Variants in UGT2A1 observed in about 807,000 individuals in gnomAD.
The protein encoded by UGT2A1 is UDP-glucuronosyltransferase 2A1.
In UGT2A1, 61 loss-of-function variants were observed where a neutral mutation model predicts 45.4. The ratio of observed to expected loss-of-function variants is 1.34; its 90% CI spans 1.09 to 1.66. UGT2A1 has a LOEUF of 1.66. Ranked by LOEUF, UGT2A1 falls within the 40% of genes most tolerant of loss-of-function variation. The pLI is 0.00. For synonymous variants in UGT2A1, 229 were observed against 196.2 expected, an observed-to-expected ratio of 1.17 and a Z score of -1.40; for missense variants, 649 against 574.3, an observed-to-expected ratio of 1.13 and a Z score of -1.33.
intron 6 of UGT2A1, among the ~76,000 whole-genome samples, chr4:69,591,653 A>G (rs1263598993): frequency 6.6e-6 from 1 of 152,098 alleles, no homozygotes; most frequent in African/African-American, 2.4e-5. Flanking sequence ...TTAAATTTTA[A>G]CTTCCTCTGG....
chr4:69,630,383 C>T (rs1284868893), intron 3 of UGT2A1, among the ~76,000 whole-genome samples: 1 of 152,070 alleles, frequency 6.6e-6, no homozygotes, highest in Non-Finnish European at 1.5e-5. Context: ...TTCCCGGTTA[C>T]ACTCTTATCC....
At chr4:69,627,534 A>AAGAGAGAGAGAGAGAAAG (rs150318319) in intron 3 of UGT2A1, among the ~76,000 whole-genome samples, 4 of 139,470 alleles carry the variant, frequency 2.9e-5, no homozygotes, top group African/African-American at 1.0e-4. Flanking sequence ...GAAAGAAAGA[A>AAGAGAGAGAGAGAGAAAG]AGAGAGAGAG....
intron 3 of UGT2A1, among the ~76,000 whole-genome samples, chr4:69,607,747 C>A (rs1357235553): frequency 6.6e-6 from 1 of 152,052 alleles, no homozygotes; most frequent in Non-Finnish European, 1.5e-5. Context: ...AACCCATCAA[C>A]AAGTGGGTGA....
Position 69,595,149 on chromosome 4 carries a change from C to T in UGT2A1, c.1084+13G>A. 1.2e-6 allele frequency: 2 copies of T among 1,613,650 alleles called. No individual in the cohort carries two copies. Among genetic ancestry groups the T allele is most frequent in the Non-Finnish European group, 1.7e-6 (2 of 1,179,788 alleles). On this transcript the variant is annotated intron_variant, in intron 5 of 6. Transcript: ENST00000286604. ...TGTCCCACTGTACAGCTTTTCTTTC[C>T]CCACAGTCTTACCAAGAAGATCATT...
intron 4 of UGT2A1, 32 bp downstream of exon 4, chr4:69,599,214 G>A (rs1719109701): frequency 1.3e-6 from 2 of 1,576,686 alleles, no homozygotes; most frequent in East Asian, 2.3e-5. Context: ...TTATTATGAA[G>A]AGCATAAAAT....
intron 3 of UGT2A1, among the ~76,000 whole-genome samples, chr4:69,620,944 G>A (rs189402804): frequency 7.2e-4 from 109 of 152,100 alleles, no homozygotes; most frequent in African/African-American, 2.5e-3. Flanking sequence ...TAAATGGCTA[G>A]CCATATACAG....
chr4:69,651,469 A>T (rs138340349), intron 1 of UGT2A1, among the ~76,000 whole-genome samples: 2 of 152,208 alleles, frequency 1.3e-5, no homozygotes, highest in Admixed American at 6.5e-5. Context: ...GAATTCAGAG[A>T]AAAAAACTAA....
intron 1 of UGT2A1, among the ~76,000 whole-genome samples, chr4:69,648,410 A>T (rs1333264988): frequency 6.6e-6 from 1 of 151,904 alleles, no homozygotes; most frequent in Non-Finnish European, 1.5e-5. Context: ...TACTAAGTCA[A>T]GCATACATCT....
chr4:69,647,418 A>T lies in UGT2A1; in HGVS notation c.227T>A (p.Val76Glu), dbSNP rs376536784. Residue 76 changes from valine to glutamate, a missense_variant, in exon 2 of 7, where the codon GTG becomes GAG. Physicochemically the swap from Val to Glu is moderately radical, Grantham distance 121. Transcript: ENST00000286604. ...NPSLTFEIYKVPFGKERIEGV... is the reference protein window; with the variant it reads ...NPSLTFEIYKEPFGKERIEGV... ...TTCTATTCTTTCTTTGCCAAAGGGC[A>T]CCTTATATATTTCAAATGTCAGAGA... 6.2e-7 allele frequency: 1 copy of T among 1,612,896 alleles called. No individual in the cohort carries two copies.
intron 2 of UGT2A1, chr4:69,639,589 C>G (rs765951014): frequency 6.2e-7 from 1 of 1,609,366 alleles, no homozygotes; most frequent in Non-Finnish European, 8.5e-7. Flanking sequence ...AAATTAAAAA[C>G]CAGCATCTGG....
intron 3 of UGT2A1, among the ~76,000 whole-genome samples, chr4:69,614,304 G>C (rs913348112): frequency 6.6e-6 from 1 of 151,806 alleles, no homozygotes; most frequent in Non-Finnish European, 1.5e-5. Flanking sequence ...ACAAAATATG[G>C]ATGAAAAAGA....
rs1221876275 is a variant in UGT2A1 at position 69,588,550 on chromosome 4, T to A, written c.*822A>T. 1 of 152,228 alleles carries A rather than the reference T, an allele frequency of 6.6e-6. No individual in the cohort carries two copies. The highest frequency in any genetic ancestry group is 6.5e-5 in the Admixed American group (1 of 15,272). 9.4% of individuals were successfully genotyped at this position (152,228 alleles called of 1,614,324 possible). ...ATGTTTTATGTAATTATTTGTACAG[T>A]TGACTAAAAATTTTATAAAAATGAT... On this transcript the variant is annotated 3_prime_UTR_variant, in exon 7 of 7. Coordinates refer to ENST00000286604, the MANE Select transcript of UGT2A1 (RefSeq NM_001252275.3).
intron 2 of UGT2A1, 144 bp from the exon 3 acceptor site, chr4:69,635,966 A>G (rs1721680827): frequency 6.6e-6 from 1 of 152,018 alleles, no homozygotes. Context: ...AGTGATTTTC[A>G]TAATTCCTGA....
At position 69,589,054 on chromosome 4, in the gene UGT2A1, C is replaced by T. The variant is rs1033123841; in HGVS notation, c.*318G>A. 1.2e-4 allele frequency: 23 copies of T among 196,364 alleles called. No individual in the cohort carries two copies. In the Admixed American group the frequency reaches 1.2e-3, roughly 10 times the overall value. The allele number at this position is 196,364 out of a possible 1,614,324, so 12.2% of individuals were successfully genotyped here. On this transcript the variant is annotated 3_prime_UTR_variant, in exon 7 of 7. Coordinates refer to ENST00000286604, the MANE Select transcript of UGT2A1 (RefSeq NM_001252275.3). ...ATTGTTAATCATTAATTAAGGTTAA[C>T]GATAAAATAATTTGATACTATGAAT... is the stretch of plus-strand genomic sequence containing the variant.
At chr4:69,599,149 C>T (rs1719105670) in intron 4 of UGT2A1, 97 bp downstream of exon 4, 5 of 1,440,960 alleles carry the variant, frequency 3.5e-6, no homozygotes, top group Non-Finnish European at 3.6e-6. Flanking sequence ...ACTGAAATGT[C>T]CAGCAGCATT....
At position 69,649,749 on chromosome 4, in the gene UGT2A1, A is replaced by G. The variant is rs1482172127; in HGVS notation, c.-54-2051T>C. Among the ~76,000 whole-genome samples, 3 of 152,028 alleles carry G rather than the reference A, an allele frequency of 2.0e-5. No individual in the cohort carries two copies. In the East Asian group the frequency reaches 5.8e-4, roughly 29 times the overall value. On this transcript the variant is annotated intron_variant, in intron 1 of 6. Coordinates refer to ENST00000286604, the MANE Select transcript of UGT2A1 (RefSeq NM_001252275.3). Reference sequence around the variant, plus strand: ...CATGTTTCTTTCCTTTTTTGGACATAATCAGATAAAATAACTTACACAGTG... The same window carrying G: ...CATGTTTCTTTCCTTTTTTGGACATGATCAGATAAAATAACTTACACAGTG...
chr4:69,648,072 G>A (rs967702804), intron 1 of UGT2A1, among the ~76,000 whole-genome samples: 12 of 151,670 alleles, frequency 7.9e-5, no homozygotes, highest in African/African-American at 2.9e-4. Context: ...AGATGTTAAT[G>A]CTGTAAGTTT....
chr4:69,596,266 G>T, intron 4 of UGT2A1: 1 of 1,591,050 alleles, frequency 6.3e-7, no homozygotes, highest in Non-Finnish European at 8.6e-7. Flanking sequence ...TGGAATCTGG[G>T]CAAGGGCTGA....
At chr4:69,637,216 T>C (rs949178667) in intron 2 of UGT2A1, among the ~76,000 whole-genome samples, 2 of 152,158 alleles carry the variant, frequency 1.3e-5, no homozygotes, top group African/African-American at 4.8e-5. Context: ...TACAGAACTA[T>C]ACTTGTAAAA....
Sources: allele counts gnomAD v4.1 joint callset (sites outside exome capture counted in the v4.1 genomes callset), GRCh38; gene constraint gnomAD v4.1.1; transcripts MANE v1.5; gene names NCBI Gene and HGNC (gene_info 2026-07-23, HGNC 2026-07-21).